Variants in AFF2 observed in about 807,000 individuals in gnomAD.
AFF2 encodes the protein AF4/FMR2 family member 2.
Under a neutral mutation model 76.9 loss-of-function variants are expected in AFF2, and 14 were observed. The ratio of observed to expected loss-of-function variants is 0.18; its 90% confidence interval spans 0.12 to 0.28. The LOEUF is 0.28. Among genes scored for constraint, AFF2 ranks in the 10% least tolerant of loss-of-function variants. The pLI is 1.00. For missense variants in AFF2, 868 were observed against 1,001.1 expected (o/e 0.87, Z 1.79); for synonymous variants, 398 against 366.7 (o/e 1.09, Z -0.98).
chrX:148,823,545 A>G (rs1310319965), intron 4 of AFF2, among the ~76,000 whole-genome samples: 11 of 112,375 alleles, frequency 9.8e-5, no homozygotes, highest in Non-Finnish European at 2.1e-4. Flanking sequence ...CCATCACTGT[A>G]GAAAGATACA....
At chrX:148,517,426 G>T (rs1404435840) in intron 1 of AFF2, among the ~76,000 whole-genome samples, 3 of 111,666 alleles carry the variant, frequency 2.7e-5, no homozygotes, top group African/African-American at 9.8e-5. Flanking sequence ...GTCATATAAG[G>T]AAATGCATGG....
chrX:148,715,565 C>G (rs1241023826), intron 3 of AFF2, among the ~76,000 whole-genome samples: 1 of 110,867 alleles, frequency 9.0e-6, no homozygotes, highest in African/African-American at 3.3e-5. Flanking sequence ...TGCACATATC[C>G]CAATATGAGG....
chrX:148,753,246 T>C (rs2055523301), intron 3 of AFF2, among the ~76,000 whole-genome samples: 1 of 112,301 alleles, frequency 8.9e-6, no homozygotes, highest in South Asian at 3.7e-4. Context: ...TATTTCTTGT[T>C]TTACAAAAAT....
At chrX:148,708,562 A>G (rs781945816) in intron 3 of AFF2, among the ~76,000 whole-genome samples, 10 of 111,939 alleles carry the variant, frequency 8.9e-5, no homozygotes, top group Non-Finnish European at 1.5e-4. Context: ...TCAGGTCAAG[A>G]TTTCATGGGT....
At chrX:148,716,425 C>A (rs1192176925) in intron 3 of AFF2, among the ~76,000 whole-genome samples, 1 of 111,741 alleles carries the variant, frequency 8.9e-6, no homozygotes, top group Non-Finnish European at 1.9e-5. Context: ...GAATCTATGC[C>A]AGTGTAAGAT....
chrX:148,809,238 A>G (rs1414252870), intron 3 of AFF2, among the ~76,000 whole-genome samples: 2 of 112,069 alleles, frequency 1.8e-5, no homozygotes, highest in African/African-American at 6.5e-5. Flanking sequence ...TTCACTGACT[A>G]TAAAGCACCT....
At chrX:148,747,338 G>A (rs1410619886) in intron 3 of AFF2, among the ~76,000 whole-genome samples, 2 of 111,283 alleles carry the variant, frequency 1.8e-5, no homozygotes, top group African/African-American at 6.5e-5. Flanking sequence ...GAAGGAGCTT[G>A]ACAAATAATT....
At chrX:148,560,334 A>G (rs1297509756) in intron 1 of AFF2, among the ~76,000 whole-genome samples, 6 of 112,056 alleles carry the variant, frequency 5.4e-5, no homozygotes, top group Non-Finnish European at 1.1e-4. Flanking sequence ...AGCCATATGC[A>G]GAAAACTGAA....
chrX:148,608,826 A>G (rs868928995), intron 1 of AFF2, among the ~76,000 whole-genome samples: 2 of 111,803 alleles, frequency 1.8e-5, no homozygotes, highest in African/African-American at 6.5e-5. Context: ...AATGGCGTAT[A>G]TGTGTAAAGA....
At chrX:148,530,061 A>G (rs1487773585) in intron 1 of AFF2, among the ~76,000 whole-genome samples, 6 of 111,104 alleles carry the variant, frequency 5.4e-5, no homozygotes, top group African/African-American at 2.0e-4. Flanking sequence ...AGACAGGTTA[A>G]TATGTGAAGG....
intron 9 of AFF2, among the ~76,000 whole-genome samples, chrX:148,914,346 G>A (rs1557282299): frequency 1.8e-5 from 2 of 111,816 alleles, no homozygotes; most frequent in African/African-American, 6.5e-5. Flanking sequence ...TTGTAGAATA[G>A]AAAAGAAAGG....
intron 9 of AFF2, among the ~76,000 whole-genome samples, chrX:148,918,968 C>T (rs1252727258): frequency 1.8e-5 from 2 of 111,882 alleles, no homozygotes; most frequent in African/African-American, 6.5e-5. Flanking sequence ...GTCTCTCTGC[C>T]TGGGCCACTC....
At chrX:148,698,161 TA>T (rs1166353323) in intron 3 of AFF2, among the ~76,000 whole-genome samples, 2 of 112,406 alleles carry the variant, frequency 1.8e-5, no homozygotes, top group African/African-American at 3.2e-5. Flanking sequence ...TGATTTCATT[TA>T]AAAAATTGTG....
intron 3 of AFF2, among the ~76,000 whole-genome samples, chrX:148,716,300 A>G (rs1557263364): frequency 9.0e-6 from 1 of 111,416 alleles, no homozygotes; most frequent in Non-Finnish European, 1.9e-5. Context: ...GCTGTTGGAA[A>G]CAGTGCTACA....
intron 1 of AFF2, among the ~76,000 whole-genome samples, chrX:148,518,873 A>G (rs1557234164): frequency 8.9e-6 from 1 of 112,053 alleles, no homozygotes; most frequent in African/African-American, 3.2e-5. Flanking sequence ...TGACTTAACA[A>G]TATTTTGTCT....
chrX:148,517,995 C>G (rs1488634799), intron 1 of AFF2, among the ~76,000 whole-genome samples: 2 of 105,365 alleles, frequency 1.9e-5, no homozygotes, highest in South Asian at 9.0e-4. Flanking sequence ...TGCACTCCAG[C>G]CTGGGCGACA....
intron 1 of AFF2, among the ~76,000 whole-genome samples, chrX:148,504,317 G>A (rs782400175): frequency 7.2e-4 from 79 of 110,452 alleles, no homozygotes; most frequent in African/African-American, 2.5e-3. Flanking sequence ...AGAAAAGAAA[G>A]AAAATACAGA....
In AFF2 at chrX:148,987,572, T is replaced by G; in HGVS notation, c.3814+15T>G. The stretch of plus-strand genomic sequence containing the variant: ...AGAAAACAAAGGTATGCTCATCTGT[T>G]CTACCCATATAGCTCACAGACCATG... On this transcript the variant is annotated intron_variant, in intron 20 of 20. Transcript: ENST00000370460. 2 of 1,188,156 alleles carry G rather than the reference T, an allele frequency of 1.7e-6. No individual in the cohort carries two copies. Among genetic ancestry groups the G allele is most frequent in the Non-Finnish European group, 2.3e-6 (2 of 877,132 alleles).
intron 7 of AFF2, among the ~76,000 whole-genome samples, chrX:148,868,357 T>C (rs2070932864): frequency 8.9e-6 from 1 of 112,099 alleles, no homozygotes; most frequent in African/African-American, 3.2e-5. Context: ...CTGTTGCCCT[T>C]GAAGAATCCT....
Sources: allele counts gnomAD v4.1 joint callset (sites outside exome capture counted in the v4.1 genomes callset), GRCh38; gene constraint gnomAD v4.1.1; transcripts MANE v1.5; gene names NCBI Gene and HGNC (gene_info 2026-07-23, HGNC 2026-07-21).